Variants in LRBA observed in about 807,000 individuals in gnomAD.
LRBA encodes LPS responsive beige-like anchor protein, also known as lipopolysaccharide-responsive and beige-like anchor protein.
LRBA carries 176 observed loss-of-function variants against 330.0 expected under a neutral mutation model. That is an observed-to-expected ratio of 0.53 (90% confidence interval 0.47 to 0.60). The LOEUF is 0.60. Among genes scored for constraint, LRBA ranks in the 20% least tolerant of loss-of-function variants. LRBA has a pLI of 0.00. For synonymous variants in LRBA, 1,230 were observed against 1,193.0 expected (o/e 1.03, Z -0.64); for missense variants, 3,259 against 3,444.8 (o/e 0.95, Z 1.35).
chr4:150,873,300 C>A (rs1422483800), intron 17 of LRBA, among the ~76,000 whole-genome samples: 1 of 152,068 alleles, frequency 6.6e-6, no homozygotes, highest in Non-Finnish European at 1.5e-5. Context: ...TTTTAAAGAT[C>A]TATGAGGCAG....
chr4:150,915,483 T>C (rs1312012834), intron 8 of LRBA, 125 bp downstream of exon 8: 1 of 776,770 alleles, frequency 1.3e-6, no homozygotes, highest in African/African-American at 1.8e-5. Context: ...AGCCAAATTA[T>C]GTTTATAAAA....
intron 15 of LRBA, among the ~76,000 whole-genome samples, chr4:150,897,483 A>G (rs546614224): frequency 1.3e-5 from 2 of 152,074 alleles, no homozygotes; most frequent in Admixed American, 6.6e-5. Context: ...ATATTTGCTG[A>G]ATGAGTGAAC....
At chr4:150,859,095 G>C (rs1227311605) in intron 22 of LRBA, among the ~76,000 whole-genome samples, 2 of 151,966 alleles carry the variant, frequency 1.3e-5, no homozygotes, top group African/African-American at 4.8e-5. Context: ...TTATACTTCA[G>C]ATATTTCATC....
chr4:150,323,530 G>T (rs1732835907), intron 49 of LRBA, among the ~76,000 whole-genome samples: 1 of 152,136 alleles, frequency 6.6e-6, no homozygotes, highest in Non-Finnish European at 1.5e-5. Context: ...GACTCTGGTG[G>T]GCCAACTCTA....
intron 16 of LRBA, among the ~76,000 whole-genome samples, chr4:150,894,371 T>C (rs1261059081): frequency 6.6e-6 from 1 of 152,178 alleles, no homozygotes; most frequent in Non-Finnish European, 1.5e-5. Flanking sequence ...AACCAATAAA[T>C]GTTTACTCGG....
At chr4:150,368,707 A>G (rs1332364485) in intron 47 of LRBA, among the ~76,000 whole-genome samples, 2 of 152,188 alleles carry the variant, frequency 1.3e-5, no homozygotes, top group African/African-American at 2.4e-5. Flanking sequence ...ACAGCTCTAA[A>G]GGAAGAAAAT....
At chr4:150,985,512 T>A (rs1331768210) in intron 2 of LRBA, among the ~76,000 whole-genome samples, 1 of 151,110 alleles carries the variant, frequency 6.6e-6, no homozygotes, top group African/African-American at 2.4e-5. Context: ...TTTTTTTTTT[T>A]AATTGAGATG....
intron 49 of LRBA, among the ~76,000 whole-genome samples, chr4:150,323,389 A>C (rs1442883854): frequency 2.6e-5 from 4 of 152,234 alleles, no homozygotes; most frequent in Non-Finnish European, 5.9e-5. Context: ...GGAAGTACAT[A>C]CATATTTCTG....
intron 53 of LRBA, among the ~76,000 whole-genome samples, chr4:150,300,200 C>A (rs919296923): frequency 6.6e-6 from 1 of 152,030 alleles, no homozygotes; most frequent in African/African-American, 2.4e-5. Flanking sequence ...CTGGATTCAT[C>A]TTTCAAAGCT....
chr4:150,640,511 G>T (rs1333306106), intron 37 of LRBA, among the ~76,000 whole-genome samples: 2 of 152,004 alleles, frequency 1.3e-5, no homozygotes, highest in Admixed American at 1.3e-4. Flanking sequence ...TCTAGAAAAG[G>T]TCTATTTACT....
intron 47 of LRBA, among the ~76,000 whole-genome samples, chr4:150,383,460 C>T (rs975227945): frequency 2.0e-5 from 3 of 152,048 alleles, no homozygotes; most frequent in Admixed American, 1.3e-4. Flanking sequence ...CACTATGTTG[C>T]CCAGGCTGGT....
chr4:150,683,763 C>T, intron 36 of LRBA, 46 bp from the exon 37 acceptor site: 1 of 1,384,752 alleles, frequency 7.2e-7, no homozygotes, highest in East Asian at 2.5e-5. Flanking sequence ...TGAAAAAAAC[C>T]TTTAAAATCC....
intron 37 of LRBA, among the ~76,000 whole-genome samples, chr4:150,617,090 T>C (rs995054678): frequency 1.3e-5 from 2 of 152,122 alleles, no homozygotes; most frequent in African/African-American, 4.8e-5. Context: ...ATATTCAACT[T>C]TGAGGAGAAT....
At chr4:150,857,522 C>G (rs1006954441) in intron 22 of LRBA, among the ~76,000 whole-genome samples, 1 of 152,088 alleles carries the variant, frequency 6.6e-6, no homozygotes, top group Admixed American at 6.6e-5. Context: ...TAAACTGGTA[C>G]AAATTTTTAG....
At chr4:150,882,291 T>C (rs1044152101) in intron 17 of LRBA, among the ~76,000 whole-genome samples, 6 of 152,210 alleles carry the variant, frequency 3.9e-5, no homozygotes, top group Non-Finnish European at 7.4e-5. Context: ...GTTTATCTGC[T>C]AAACATCAGC....
At chr4:150,744,375 T>C (rs1211956205) in intron 35 of LRBA, among the ~76,000 whole-genome samples, 1 of 152,214 alleles carries the variant, frequency 6.6e-6, no homozygotes, top group African/African-American at 2.4e-5. Context: ...TCTAGTCTCT[T>C]CCCTCTTCTC....
At chr4:150,941,277 C>G (rs1299184220) in intron 2 of LRBA, among the ~76,000 whole-genome samples, 1 of 151,988 alleles carries the variant, frequency 6.6e-6, no homozygotes, top group African/African-American at 2.4e-5. Flanking sequence ...CTCAGCCTCC[C>G]GAGTAGCTGG....
chr4:150,916,986 T>C (rs1339398772), intron 5 of LRBA, among the ~76,000 whole-genome samples: 5 of 152,064 alleles, frequency 3.3e-5, no homozygotes, highest in Non-Finnish European at 7.4e-5. Context: ...ACCCCGTCTC[T>C]ACTAAAAATA....
intron 54 of LRBA, among the ~76,000 whole-genome samples, chr4:150,284,603 T>C (rs1747924046): frequency 6.6e-6 from 1 of 152,168 alleles, no homozygotes; most frequent in Admixed American, 6.6e-5. Flanking sequence ...GGCATGATCA[T>C]GGCTTACTAC....
Sources: allele counts gnomAD v4.1 joint callset (sites outside exome capture counted in the v4.1 genomes callset), GRCh38; gene constraint gnomAD v4.1.1; transcripts MANE v1.5; gene names NCBI Gene and HGNC (gene_info 2026-07-23, HGNC 2026-07-21).